Variants in NRXN3 observed in about 807,000 individuals in gnomAD.
NRXN3 encodes neurexin III.
A neutral mutation model predicts 137.6 loss-of-function variants in NRXN3; 32 were observed. That is an observed-to-expected ratio of 0.23 (90% confidence interval 0.18 to 0.31). NRXN3 has a LOEUF of 0.31. Among genes scored for constraint, NRXN3 ranks in the 10% least tolerant of loss-of-function variants. The pLI, the probability that NRXN3 is intolerant of heterozygous loss-of-function variation, is 1.00. For synonymous variants in NRXN3, 798 were observed against 784.5 expected (o/e 1.02, Z -0.29); for missense variants, 1,574 against 2,062.5 (o/e 0.76, Z 4.59).
intron 15 of NRXN3, among the ~76,000 whole-genome samples, chr14:79,387,118 A>C (rs1011560731): frequency 1.3e-5 from 2 of 151,812 alleles, no homozygotes; most frequent in Admixed American, 6.6e-5. Context: ...TAATTAAACT[A>C]AAGAGCTTCT....
At chr14:79,844,563 G>A (rs2099363056) in intron 20 of NRXN3, among the ~76,000 whole-genome samples, 1 of 151,964 alleles carries the variant, frequency 6.6e-6, no homozygotes, top group Non-Finnish European at 1.5e-5. Context: ...CAGAGCTCTT[G>A]GATGACCAGG....
chr14:79,557,673 C>T (rs145608012), intron 16 of NRXN3, among the ~76,000 whole-genome samples: 52 of 152,212 alleles, frequency 3.4e-4, no homozygotes, highest in African/African-American at 1.2e-3. Flanking sequence ...AAAAAATTAT[C>T]AGAGCCTTCA....
intron 4 of NRXN3, among the ~76,000 whole-genome samples, chr14:78,317,872 A>C (rs1352805677): frequency 6.6e-6 from 1 of 152,210 alleles, no homozygotes; most frequent in Non-Finnish European, 1.5e-5. Flanking sequence ...CTAACGTGAT[A>C]CACCTATCCT....
chr14:79,803,885 TAAAA>T (rs952528482), intron 19 of NRXN3, among the ~76,000 whole-genome samples: 4 of 148,664 alleles, frequency 2.7e-5, no homozygotes, highest in African/African-American at 9.9e-5. Context: ...TAACTGTAAC[TAAAA>T]AGTGTGTGTG....
At chr14:78,859,414 C>T (rs1011054272) in intron 10 of NRXN3, among the ~76,000 whole-genome samples, 1 of 152,154 alleles carries the variant, frequency 6.6e-6, no homozygotes, top group Non-Finnish European at 1.5e-5. Context: ...CCTCTTTTCT[C>T]CCATCCAAGA....
intron 19 of NRXN3, among the ~76,000 whole-genome samples, chr14:79,788,065 G>T (rs117884512): frequency 1.3e-5 from 2 of 151,980 alleles, no homozygotes; most frequent in Admixed American, 1.3e-4. Flanking sequence ...CCACATGACT[G>T]GGGGGGCCTC....
chr14:79,727,157 C>T (rs2098895303), intron 19 of NRXN3, among the ~76,000 whole-genome samples: 1 of 152,106 alleles, frequency 6.6e-6, no homozygotes, highest in African/African-American at 2.4e-5. Flanking sequence ...TATTTATTGC[C>T]TAAAATATAT....
chr14:79,436,616 G>A (rs1194562103), intron 15 of NRXN3, among the ~76,000 whole-genome samples: 3 of 152,128 alleles, frequency 2.0e-5, no homozygotes, highest in Non-Finnish European at 4.4e-5. Flanking sequence ...TTCAAGTACA[G>A]TGTATATGTA....
chr14:79,823,885 A>C (rs1454059566), intron 20 of NRXN3: 1 of 450,362 alleles, frequency 2.2e-6, no homozygotes, highest in Admixed American at 2.4e-5. Flanking sequence ...CCATAAGGTC[A>C]GTTCTGTTCA....
At chr14:79,064,516 T>A (rs75613206) in intron 15 of NRXN3, among the ~76,000 whole-genome samples, 1 of 151,990 alleles carries the variant, frequency 6.6e-6, no homozygotes, top group African/African-American at 2.4e-5. Context: ...GTTCCCTAAA[T>A]CTCACTTCTT....
chr14:78,594,031 C>A (rs1347923634), intron 4 of NRXN3, among the ~76,000 whole-genome samples: 1 of 152,198 alleles, frequency 6.6e-6, no homozygotes, highest in Non-Finnish European at 1.5e-5. Flanking sequence ...GGCCACCCCA[C>A]CCAGAGCATG....
At chr14:79,785,851 C>T (rs2099127797) in intron 19 of NRXN3, among the ~76,000 whole-genome samples, 1 of 152,002 alleles carries the variant, frequency 6.6e-6, no homozygotes, top group Non-Finnish European at 1.5e-5. Flanking sequence ...AAATTGACTG[C>T]ACCATGTTAG....
chr14:78,756,349 A>T (rs2098668192), intron 8 of NRXN3, among the ~76,000 whole-genome samples: 1 of 151,934 alleles, frequency 6.6e-6, no homozygotes, highest in Non-Finnish European at 1.5e-5. Context: ...TTAGTCGGGC[A>T]TGGTGGCATG....
chr14:78,259,465 G>A (rs2070313055), intron 2 of NRXN3, among the ~76,000 whole-genome samples: 1 of 152,102 alleles, frequency 6.6e-6, no homozygotes. Flanking sequence ...GGGTGCCAGT[G>A]CTAAAGCTCC....
At chr14:78,582,174 T>C (rs1482777850) in intron 4 of NRXN3, among the ~76,000 whole-genome samples, 2 of 152,172 alleles carry the variant, frequency 1.3e-5, no homozygotes, top group African/African-American at 4.8e-5. Flanking sequence ...CTTCATGATG[T>C]TGGAGATCTG....
At position 78,943,620 on chromosome 14, in the gene NRXN3, AAATATATATATATATAT is replaced by A. The variant is rs2099358498; in HGVS notation, c.2276-13620_2276-13604del. 2.2e-4 allele frequency among the ~76,000 whole-genome samples: 7 copies of A among 32,098 alleles called. 2 individuals carry two copies. Among genetic ancestry groups the A allele is most frequent in the East Asian group, 9.2e-4 (1 of 1,082 alleles). 21.1% of individuals were successfully genotyped at this position (32,098 alleles called of 152,430 possible). A position where few individuals can be genotyped will look rare whatever the true frequency, so the allele number is the denominator to read the frequency against. On this transcript the variant is annotated intron_variant, in intron 10 of 20. Coordinates refer to ENST00000335750, the MANE Select transcript of NRXN3 (RefSeq NM_001330195.2). The stretch of plus-strand genomic sequence containing the variant: ...AAGCAAGATCACTGTTAAAAAAAAA[AAATATATATATATATAT>A]ATATATATATATATATATATATATA...
chr14:79,832,095 T>C (rs2099325681), intron 20 of NRXN3, among the ~76,000 whole-genome samples: 1 of 152,292 alleles, frequency 6.6e-6, no homozygotes, highest in South Asian at 2.1e-4. Flanking sequence ...CACATACTTC[T>C]ATATAATTTA....
At chr14:78,576,969 G>T (rs921969403) in intron 4 of NRXN3, among the ~76,000 whole-genome samples, 1 of 152,120 alleles carries the variant, frequency 6.6e-6, no homozygotes, top group Non-Finnish European at 1.5e-5. Flanking sequence ...ATGACCTTCT[G>T]TCTGGGCTGT....
intron 4 of NRXN3, among the ~76,000 whole-genome samples, chr14:78,542,696 C>T (rs901826019): frequency 2.6e-5 from 4 of 152,186 alleles, no homozygotes; most frequent in African/African-American, 9.7e-5. Context: ...GGGCTACACC[C>T]ACTGTCTAAC....
Sources: allele counts gnomAD v4.1 joint callset (sites outside exome capture counted in the v4.1 genomes callset), GRCh38; gene constraint gnomAD v4.1.1; transcripts MANE v1.5; gene names NCBI Gene and HGNC (gene_info 2026-07-23, HGNC 2026-07-21).